Variants in FER observed in about 807,000 individuals in gnomAD.
FER encodes tyrosine-protein kinase Fer.
Under a neutral mutation model 111.0 loss-of-function variants are expected in FER, and 63 were observed. The ratio of observed to expected loss-of-function variants is 0.57; its 90% CI spans 0.46 to 0.70. FER has a LOEUF of 0.70. Ranked by LOEUF, FER falls within the 30% of genes least tolerant of loss-of-function variation. The pLI is 0.00. For missense variants in FER, 914 were observed against 954.0 expected (o/e 0.96, Z 0.55); for synonymous variants, 327 against 313.9 (o/e 1.04, Z -0.44).
intron 10 of FER, among the ~76,000 whole-genome samples, chr5:108,911,486 A>G (rs1156691242): frequency 6.6e-6 from 1 of 151,910 alleles, no homozygotes; most frequent in Non-Finnish European, 1.5e-5. Context: ...TCATTTATCT[A>G]TGTTTGTTTT....
At chr5:109,149,102 C>G (rs549194464) in intron 17 of FER, among the ~76,000 whole-genome samples, 6 of 151,792 alleles carry the variant, frequency 4.0e-5, no homozygotes, top group African/African-American at 1.2e-4. Flanking sequence ...AAATGCAAAA[C>G]CTGGTTTTAA....
intron 17 of FER, among the ~76,000 whole-genome samples, chr5:109,174,196 A>G (rs1432581520): frequency 1.3e-5 from 2 of 152,312 alleles, no homozygotes; most frequent in East Asian, 3.9e-4. Context: ...AGAAGAGGTG[A>G]GGAACAGTAT....
chr5:108,950,009 AAG>A (rs1757507669), intron 11 of FER, among the ~76,000 whole-genome samples: 1 of 152,112 alleles, frequency 6.6e-6, no homozygotes, highest in Non-Finnish European at 1.5e-5. Flanking sequence ...GGAACAAAAG[AAG>A]CCGGCAAAAA....
intron 18 of FER, 119 bp from the exon 19 acceptor site, chr5:109,186,077 GTGCT>G (rs749078668): frequency 8.6e-5 from 117 of 1,355,960 alleles, no homozygotes; most frequent in Non-Finnish European, 1.2e-4. Flanking sequence ...TGTCATATAT[GTGCT>G]CCATCATTGA....
intron 5 of FER, among the ~76,000 whole-genome samples, chr5:108,859,919 C>CTTATTATTA (rs1185442040): frequency 9.1e-6 from 1 of 110,284 alleles, no homozygotes; most frequent in African/African-American, 4.4e-5. Context: ...TATGTATATA[C>CTTATTATTA]CTATTATTAT....
intron 13 of FER, among the ~76,000 whole-genome samples, chr5:108,973,606 C>T (rs6882698): frequency 0.053 from 8,029 of 151,970 alleles, 287 homozygotes; most frequent in South Asian, 0.11. Context: ...CATCCTTGAA[C>T]GTTGATTGAT....
intron 8 of FER, among the ~76,000 whole-genome samples, chr5:108,882,543 T>G (rs1375116203): frequency 3.3e-5 from 5 of 152,010 alleles, no homozygotes; most frequent in Non-Finnish European, 7.4e-5. Flanking sequence ...GTTTGTCTTT[T>G]TTCTAAGAGT....
At chr5:109,063,658 C>A (rs1420026068) in intron 16 of FER, among the ~76,000 whole-genome samples, 3 of 152,144 alleles carry the variant, frequency 2.0e-5, no homozygotes, top group African/African-American at 7.2e-5. Context: ...ATTAATATTT[C>A]ATTCAAAAAA....
intron 17 of FER, among the ~76,000 whole-genome samples, chr5:109,117,076 G>T (rs1340421703): frequency 6.6e-6 from 1 of 151,816 alleles, no homozygotes; most frequent in Admixed American, 6.6e-5. Context: ...TTATTTTAAG[G>T]GACTTTGTTG....
At chr5:109,123,887 C>T (rs1582137782) in intron 17 of FER, among the ~76,000 whole-genome samples, 1 of 152,020 alleles carries the variant, frequency 6.6e-6, no homozygotes, top group African/African-American at 2.4e-5. Flanking sequence ...TTATGTTGTT[C>T]TATGTTTACA....
chr5:109,174,608 T>C (rs1449027065), intron 17 of FER, among the ~76,000 whole-genome samples: 1 of 152,164 alleles, frequency 6.6e-6, no homozygotes, highest in Non-Finnish European at 1.5e-5. Context: ...ACTCATATTG[T>C]TTCAAAGCCG....
intron 2 of FER, among the ~76,000 whole-genome samples, chr5:108,777,879 C>T (rs550390768): frequency 6.6e-6 from 1 of 152,214 alleles, no homozygotes; most frequent in African/African-American, 2.4e-5. Flanking sequence ...AAGAGAATAG[C>T]AAGGGAAAGA....
At chr5:109,060,787 T>TATACAC (rs571418220) in intron 16 of FER, among the ~76,000 whole-genome samples, 43 of 149,810 alleles carry the variant, frequency 2.9e-4, no homozygotes, top group African/African-American at 6.6e-4. Flanking sequence ...TATATATATA[T>TATACAC]ACACACCAAA....
chr5:109,111,838 C>A (rs1259434312), intron 17 of FER, among the ~76,000 whole-genome samples: 3 of 152,054 alleles, frequency 2.0e-5, no homozygotes, highest in Admixed American at 6.6e-5. Flanking sequence ...AGGTCCTCCC[C>A]CAACATTGGG....
intron 13 of FER, among the ~76,000 whole-genome samples, chr5:108,967,299 G>A (rs1214436731): frequency 6.6e-6 from 1 of 152,152 alleles, no homozygotes. Context: ...AGCAGAGAGG[G>A]GACATGAGAG....
chr5:109,058,633 T>C (rs953459468), intron 16 of FER, among the ~76,000 whole-genome samples: 1 of 151,572 alleles, frequency 6.6e-6, no homozygotes, highest in Non-Finnish European at 1.5e-5. Flanking sequence ...TATATAACTT[T>C]CTAATATTAT....
At chr5:108,918,490 C>G (rs965698229) in intron 10 of FER, among the ~76,000 whole-genome samples, 21 of 135,892 alleles carry the variant, frequency 1.5e-4, no homozygotes, top group African/African-American at 4.8e-4. Context: ...TGTGTTTTTT[C>G]TTTTTTTTTT....
intron 8 of FER, among the ~76,000 whole-genome samples, chr5:108,873,642 G>C (rs1764821079): frequency 6.6e-6 from 1 of 152,152 alleles, no homozygotes; most frequent in East Asian, 1.9e-4. Context: ...CTGTTCCTAA[G>C]TTTTTCATGC....
At chr5:108,853,783 C>T (rs895291104) in intron 5 of FER, among the ~76,000 whole-genome samples, 17 of 152,156 alleles carry the variant, frequency 1.1e-4, no homozygotes, top group Admixed American at 3.3e-4. Flanking sequence ...CTTTAAAACA[C>T]TGACTTTTAC....
Sources: allele counts gnomAD v4.1 joint callset (sites outside exome capture counted in the v4.1 genomes callset), GRCh38; gene constraint gnomAD v4.1.1; transcripts MANE v1.5; gene names NCBI Gene and HGNC (gene_info 2026-07-23, HGNC 2026-07-21).